Variants in HIVEP3 observed in about 807,000 individuals in gnomAD.
HIVEP3 encodes transcription factor HIVEP3.
In HIVEP3, 49 loss-of-function variants were observed where a neutral mutation model predicts 152.8. The ratio of observed to expected loss-of-function variants is 0.32; its 90% CI spans 0.26 to 0.41. The LOEUF (loss-of-function observed/expected upper bound fraction) is 0.41, where lower values mean the gene tolerates loss of function less well. Among genes scored for constraint, HIVEP3 ranks in the 10% least tolerant of loss-of-function variants. The pLI is 1.00. For synonymous variants in HIVEP3, 1,269 were observed against 1,289.0 expected (o/e 0.98, Z 0.33); for missense variants, 2,790 against 3,103.3 (o/e 0.90, Z 2.40).
intron 1 of HIVEP3, among the ~76,000 whole-genome samples, chr1:41,743,246 A>C (rs576754917): frequency 6.6e-6 from 1 of 152,152 alleles, no homozygotes; most frequent in South Asian, 2.1e-4. Context: ...TACTAACTGC[A>C]CCCCTAGTGA....
At position 41,643,692 on chromosome 1, in the gene HIVEP3, A is replaced by T. The variant is rs370544516; in HGVS notation, c.-720-14745T>A. 1.5e-4 allele frequency among the ~76,000 whole-genome samples: 23 copies of T among 152,274 alleles called. No individual in the cohort carries two copies. The South Asian group carries it at 4.1e-3, about 27-fold the overall frequency. On this transcript the variant is annotated intron_variant, in intron 2 of 8. Coordinates refer to ENST00000372583, the MANE Select transcript of HIVEP3 (RefSeq NM_024503.5). ...TGATGGCCTAATGTCAGCAGGGCAG[A>T]TGCTTGCCCTGGTGTTAGCTACATG...
chr1:41,551,567 G>A (rs1237095821), intron 5 of HIVEP3, among the ~76,000 whole-genome samples: 1 of 152,174 alleles, frequency 6.6e-6, no homozygotes, highest in East Asian at 1.9e-4. Flanking sequence ...CCTGTTATTG[G>A]TCTCTTCAGA....
chr1:41,922,898 A>C (rs762539586), upstream of HIVEP3, among the ~76,000 whole-genome samples: 18 of 152,198 alleles, frequency 1.2e-4, no homozygotes, highest in Non-Finnish European at 1.9e-4. Flanking sequence ...CAGGCCAATA[A>C]TTCCATCTGT....
intron 2 of HIVEP3, among the ~76,000 whole-genome samples, chr1:41,657,687 A>G (rs1645649838): frequency 6.6e-6 from 1 of 152,244 alleles, no homozygotes; most frequent in Non-Finnish European, 1.5e-5. Context: ...GGTAAGTGTG[A>G]GCATTCCCAC....
intron 1 of HIVEP3, among the ~76,000 whole-genome samples, chr1:41,744,121 C>T (rs566583281): frequency 3.7e-4 from 56 of 152,146 alleles, no homozygotes; most frequent in Admixed American, 1.0e-3. Flanking sequence ...CTCACTGCAA[C>T]CTCCGCCTCC....
intron 2 of HIVEP3, among the ~76,000 whole-genome samples, chr1:41,698,821 G>A (rs759649922): frequency 2.6e-5 from 4 of 152,102 alleles, no homozygotes; most frequent in Non-Finnish European, 5.9e-5. Flanking sequence ...GTCTTCTCTT[G>A]TTTCTGCCCT....
intron 3 of HIVEP3, among the ~76,000 whole-genome samples, chr1:41,618,447 G>C (rs940476228): frequency 1.2e-4 from 18 of 152,352 alleles, no homozygotes; most frequent in African/African-American, 4.3e-4. Flanking sequence ...GCGTAGTGTT[G>C]AGGAGCTGGT....
chr1:41,845,904 G>GA (rs1185822401), intron 1 of HIVEP3, among the ~76,000 whole-genome samples: 1 of 151,914 alleles, frequency 6.6e-6, no homozygotes, highest in African/African-American at 2.4e-5. Flanking sequence ...CCATCTCTAT[G>GA]AAAAATACAA....
chr1:41,631,517 A>G (rs1486281497), intron 2 of HIVEP3, among the ~76,000 whole-genome samples: 1 of 152,050 alleles, frequency 6.6e-6, no homozygotes, highest in Non-Finnish European at 1.5e-5. Flanking sequence ...CCTGCTTTTT[A>G]TTCACACAGC....
intron 1 of HIVEP3, among the ~76,000 whole-genome samples, chr1:41,938,442 G>A (rs1645030139): frequency 6.6e-6 from 1 of 152,208 alleles, no homozygotes; most frequent in Admixed American, 6.5e-5. Context: ...ATGAGTCCAG[G>A]AGAAGGAGGA....
chr1:41,732,845 G>A (rs940956022), intron 1 of HIVEP3, among the ~76,000 whole-genome samples: 1 of 152,110 alleles, frequency 6.6e-6, no homozygotes, highest in Non-Finnish European at 1.5e-5. Context: ...GGATCAGATG[G>A]GACTGGGGGT....
At chr1:41,515,639 C>T (rs557071142) in intron 7 of HIVEP3, among the ~76,000 whole-genome samples, 60 of 152,306 alleles carry the variant, frequency 3.9e-4, no homozygotes, top group African/African-American at 1.3e-3. Context: ...TGCATTATTA[C>T]GCTGACAGTT....
In HIVEP3 at chr1:41,738,726, C is replaced by A. The variant is rs996219655; in HGVS notation, c.-800-37731G>T. ...CTGTGCTGTTTTGGCTTGATCAATT[C>A]CTTTCTCCATGCCTTAGCTTCTTCA... On this transcript the variant is annotated intron_variant, in intron 1 of 8. Coordinates refer to ENST00000372583, the MANE Select transcript of HIVEP3 (RefSeq NM_024503.5). Among the ~76,000 whole-genome samples the A allele has an allele frequency of 1.5e-4, 23 of 152,304 alleles. No homozygotes were observed. The South Asian group carries it at 4.6e-3, about 30-fold the overall frequency.
chr1:41,597,967 C>T (rs1205081456), intron 3 of HIVEP3, among the ~76,000 whole-genome samples: 1 of 152,226 alleles, frequency 6.6e-6, no homozygotes, highest in Non-Finnish European at 1.5e-5. Flanking sequence ...TATCCACCTA[C>T]CTATCTCATT....
At chr1:41,781,441 C>G (rs141496889) in intron 1 of HIVEP3, among the ~76,000 whole-genome samples, 1 of 152,230 alleles carries the variant, frequency 6.6e-6, no homozygotes, top group African/African-American at 2.4e-5. Context: ...GCTCCTGGGT[C>G]CTGTCTATTC....
intron 1 of HIVEP3, among the ~76,000 whole-genome samples, chr1:41,953,673 C>T (rs1184440342): frequency 1.3e-5 from 2 of 152,136 alleles, no homozygotes; most frequent in Non-Finnish European, 2.9e-5. Context: ...AGTGAATGAT[C>T]TGCCAAATCT....
chr1:41,888,202 ATTTTTTT>A (rs61561436), intron 1 of HIVEP3, among the ~76,000 whole-genome samples: 15 of 99,204 alleles, frequency 1.5e-4, no homozygotes, highest in East Asian at 1.4e-3. Context: ...CGCCCGGCTA[ATTTTTTT>A]TTTTTTTTTT....
At chr1:41,738,370 C>T (rs181633127) in intron 1 of HIVEP3, among the ~76,000 whole-genome samples, 91 of 152,228 alleles carry the variant, frequency 6.0e-4, no homozygotes, top group Middle Eastern at 3.4e-3. Flanking sequence ...CATGGGGTAG[C>T]GGGGCATCTT....
In HIVEP3 at chr1:41,575,604, T is replaced by A; in HGVS notation, c.5147A>T (p.Glu1716Val). The change falls in exon 5 of 9, where the codon GAG becomes GTG. Residue 1716 changes from glutamate (E) to valine (V), a missense_variant. By Grantham distance (121) the Glu-to-Val change is moderately radical. Transcript: ENST00000372583. ...EKEEERRGEP[E>V]EDAPASQRGE... Reference sequence around the variant, plus strand: ...TCTCTGGGAGGCAGGAGCATCCTCCTCCGGCTCCCCTCTCCTCTCTTCTTC... The same window carrying A: ...TCTCTGGGAGGCAGGAGCATCCTCCACCGGCTCCCCTCTCCTCTCTTCTTC... The A allele has an allele frequency of 6.2e-7, 1 of 1,613,982 alleles. No individual in the cohort carries two copies. Among genetic ancestry groups the A allele is most frequent in the Non-Finnish European group, 8.5e-7 (1 of 1,179,870 alleles).
Sources: gnomAD v4.1 joint callset for allele counts (sites outside exome capture counted in the v4.1 genomes callset) on GRCh38, gnomAD v4.1.1 for gene constraint, MANE v1.5 for transcripts, NCBI Gene and HGNC (gene_info 2026-07-23, HGNC 2026-07-21) for gene names.